NPAS3: variants seen among roughly 807,000 people sequenced by gnomAD.
NPAS3 encodes the protein neuronal PAS domain-containing protein 3.
Under a neutral mutation model 73.1 loss-of-function variants are expected in NPAS3, and 14 were observed. The ratio of observed to expected loss-of-function variants is 0.19; its 90% confidence interval spans 0.13 to 0.30. NPAS3 has a LOEUF of 0.30. Ranked by LOEUF, NPAS3 falls within the 10% of genes least tolerant of loss-of-function variation. The probability of loss-of-function intolerance (pLI) is 1.00; values close to 1 mark genes in which losing one functional copy is unlikely to be tolerated. For synonymous variants in NPAS3, 620 were observed against 541.5 expected, an observed-to-expected ratio of 1.14 and a Z score of -2.01; for missense variants, 1,096 against 1,250.0, an observed-to-expected ratio of 0.88 and a Z score of 1.86.
intron 3 of NPAS3, among the ~76,000 whole-genome samples, chr14:33,365,433 T>G (rs1338923888): frequency 6.6e-6 from 1 of 152,128 alleles, no homozygotes; most frequent in East Asian, 1.9e-4. Context: ...CTTAAGTATA[T>G]CTGAATATTA....
At chr14:33,045,913 C>T (rs1350452392) in intron 1 of NPAS3, among the ~76,000 whole-genome samples, 1 of 152,172 alleles carries the variant, frequency 6.6e-6, no homozygotes. Flanking sequence ...TATAGAGGAT[C>T]TGGACCATAT....
At chr14:33,432,137 C>T (rs2048810126) in intron 4 of NPAS3, among the ~76,000 whole-genome samples, 1 of 152,102 alleles carries the variant, frequency 6.6e-6, no homozygotes, top group Non-Finnish European at 1.5e-5. Context: ...CCACAGAGCT[C>T]TCACCACCCC....
intron 3 of NPAS3, among the ~76,000 whole-genome samples, chr14:33,362,505 T>C (rs2045648711): frequency 6.6e-6 from 1 of 152,148 alleles, no homozygotes; most frequent in Non-Finnish European, 1.5e-5. Flanking sequence ...AAAGACTCAT[T>C]AAGCATTCCA....
In NPAS3 at chr14:33,723,652, G is replaced by A. The variant is rs577602063; in HGVS notation, c.734-11562G>A. Among the ~76,000 whole-genome samples, 36 of 151,152 alleles carry A rather than the reference G, an allele frequency of 2.4e-4. No individual in the cohort carries two copies. In the Middle Eastern group the frequency reaches 0.014, roughly 57 times the overall value. Reference sequence around the variant, plus strand: ...TGTATGAAGGAGAAGTGGTCACCATGCACTGCTTCTGCTGCCACTTCCACA... The same window carrying A: ...TGTATGAAGGAGAAGTGGTCACCATACACTGCTTCTGCTGCCACTTCCACA... On this transcript the variant is annotated intron_variant, in intron 6 of 11. Coordinates refer to ENST00000356141, the Ensembl canonical transcript of NPAS3.
intron 9 of NPAS3, among the ~76,000 whole-genome samples, chr14:33,781,192 G>A (rs934270915): frequency 2.6e-5 from 4 of 152,148 alleles, no homozygotes; most frequent in African/African-American, 7.2e-5. Flanking sequence ...AAATTTCAGC[G>A]TTCTTGTAGT....
chr14:33,692,523 A>G (rs1233189932), intron 6 of NPAS3, among the ~76,000 whole-genome samples: 1 of 152,134 alleles, frequency 6.6e-6, no homozygotes, highest in Non-Finnish European at 1.5e-5. Flanking sequence ...GGGCACTATA[A>G]AAGTAGGATT....
intron 3 of NPAS3, among the ~76,000 whole-genome samples, chr14:33,252,759 C>CCAATACA (rs1480732693): frequency 6.6e-6 from 1 of 151,632 alleles, no homozygotes; most frequent in Admixed American, 6.6e-5. Flanking sequence ...AAAATTGTAC[C>CCAATACA]CAATAGGTAA....
At chr14:33,777,844 G>C (rs1377310807) in intron 8 of NPAS3, among the ~76,000 whole-genome samples, 6 of 152,162 alleles carry the variant, frequency 3.9e-5, no homozygotes, top group African/African-American at 1.4e-4. Flanking sequence ...TGGTTTAAAA[G>C]TTTTTGTGTG....
intron 2 of NPAS3, among the ~76,000 whole-genome samples, chr14:33,119,782 AG>A (rs1178492766): frequency 6.6e-6 from 1 of 152,116 alleles, no homozygotes; most frequent in Admixed American, 6.6e-5. Context: ...CATTTCTGGT[AG>A]GTGATGTTGA....
rs559977859 is a variant in NPAS3 at position 33,733,966 on chromosome 14, C to G, written c.734-1248C>G. ...ACAGTAGCTCTCATTCTTCTTTCAT[C>G]TGAGCACCAAGTTTAATATGAAAAA... On this transcript the variant is annotated intron_variant, in intron 6 of 11. Coordinates refer to ENST00000356141, the Ensembl canonical transcript of NPAS3. Among the ~76,000 whole-genome samples, 7 of 151,942 alleles carry G rather than the reference C, an allele frequency of 4.6e-5. No individual in the cohort carries two copies. The South Asian group carries it at 1.5e-3, about 32-fold the overall frequency.
intron 2 of NPAS3, among the ~76,000 whole-genome samples, chr14:33,180,938 TCAG>T (rs2045776828): frequency 6.6e-6 from 1 of 151,856 alleles, no homozygotes; most frequent in South Asian, 2.1e-4. Flanking sequence ...CATGTCCTGA[TCAG>T]CAGGTCCATC....
chr14:33,754,785 G>T (rs1424777535), intron 7 of NPAS3, among the ~76,000 whole-genome samples: 3 of 152,126 alleles, frequency 2.0e-5, no homozygotes, highest in African/African-American at 4.8e-5. Context: ...GAGCTGAAAA[G>T]CCTGTAGACA....
chr14:33,289,521 CT>C (rs2042011201), intron 3 of NPAS3, among the ~76,000 whole-genome samples: 1 of 152,086 alleles, frequency 6.6e-6, no homozygotes, highest in Non-Finnish European at 1.5e-5. Context: ...TGAAAGATGG[CT>C]TTAGTAATCT....
At chr14:33,722,591 A>G (rs1320619428) in intron 6 of NPAS3, among the ~76,000 whole-genome samples, 2 of 152,206 alleles carry the variant, frequency 1.3e-5, no homozygotes, top group African/African-American at 4.8e-5. Context: ...GCAAAAGATT[A>G]GATGACTTTG....
At chr14:32,989,667 C>CAACAACAACAA (rs1555316479) in intron 1 of NPAS3, among the ~76,000 whole-genome samples, 11 of 121,294 alleles carry the variant, frequency 9.1e-5, no homozygotes, top group South Asian at 5.3e-4. Flanking sequence ...ACAACAACAA[C>CAACAACAACAA]AACAAAACAA....
At chr14:32,970,714 C>T (rs534035207) in intron 1 of NPAS3, among the ~76,000 whole-genome samples, 2 of 152,252 alleles carry the variant, frequency 1.3e-5, no homozygotes, top group South Asian at 2.1e-4. Context: ...TGGAGGTTTG[C>T]TGGCAATCTC....
chr14:33,068,924 A>C (rs894603335), intron 2 of NPAS3, among the ~76,000 whole-genome samples: 3 of 152,092 alleles, frequency 2.0e-5, no homozygotes, highest in African/African-American at 4.8e-5. Context: ...CAGGTCAGGG[A>C]GGCAACAGCA....
At chr14:33,023,610 G>C (rs964434510) in intron 1 of NPAS3, among the ~76,000 whole-genome samples, 1 of 152,176 alleles carries the variant, frequency 6.6e-6, no homozygotes, top group Admixed American at 6.5e-5. Context: ...TGGTAAAATA[G>C]ATGGGAAGAG....
chr14:33,493,016 C>T (rs562071193), intron 4 of NPAS3, among the ~76,000 whole-genome samples: 27 of 152,162 alleles, frequency 1.8e-4, no homozygotes, highest in Admixed American at 3.3e-4. Context: ...TAAAAATTCC[C>T]GGTAAGGTAT....
Sources: gnomAD v4.1 joint callset for allele counts (sites outside exome capture counted in the v4.1 genomes callset) on GRCh38, gnomAD v4.1.1 for gene constraint, MANE v1.5 for transcripts, NCBI Gene and HGNC (gene_info 2026-07-23, HGNC 2026-07-21) for gene names.